Variants in ZNF829 observed in about 807,000 individuals in gnomAD.
ZNF829 encodes zinc finger protein 829.
Under a neutral mutation model 35.2 loss-of-function variants are expected in ZNF829, and 25 were observed. The ratio of observed to expected loss-of-function variants is 0.71; its 90% CI spans 0.52 to 0.99. ZNF829 has a LOEUF of 0.99. ZNF829 is among the 50% of genes least tolerant of loss of function. The probability of loss-of-function intolerance (pLI) is 0.00; values close to 1 mark genes in which losing one functional copy is unlikely to be tolerated. For missense variants in ZNF829, 417 were observed against 515.3 expected (o/e 0.81, Z 1.85); for synonymous variants, 136 against 163.2 (o/e 0.83, Z 1.27).
intron 3 of ZNF829, among the ~76,000 whole-genome samples, chr19:36,911,393 G>T (rs2073263328): frequency 6.6e-6 from 1 of 151,962 alleles, no homozygotes; most frequent in South Asian, 2.1e-4. Flanking sequence ...TGTATTTTTA[G>T]TAGAGATGTG....
intron 4 of ZNF829, 114 bp from the exon 5 acceptor site, chr19:36,908,138 T>C (rs1363325591): frequency 8.5e-6 from 10 of 1,181,038 alleles, no homozygotes; most frequent in Middle Eastern, 2.2e-4. Flanking sequence ...CGGAGAAAGA[T>C]GGAGAAGATG....
At chr19:36,898,962 T>G (rs1350848360) in intron 5 of ZNF829, among the ~76,000 whole-genome samples, 1 of 152,016 alleles carries the variant, frequency 6.6e-6, no homozygotes, top group Non-Finnish European at 1.5e-5. Flanking sequence ...AGATAAGACC[T>G]CAAAGATATT....
intron 5 of ZNF829, among the ~76,000 whole-genome samples, chr19:36,901,071 G>C (rs2073161770): frequency 6.6e-6 from 1 of 152,046 alleles, no homozygotes; most frequent in African/African-American, 2.4e-5. Context: ...AAAACTTATA[G>C]ACATGTTCAT....
chr19:36,902,060 A>T (rs1206452689), intron 5 of ZNF829: 2 of 553,254 alleles, frequency 3.6e-6, no homozygotes, highest in Non-Finnish European at 6.5e-6. Flanking sequence ...TACTTTGGTT[A>T]TCTATGTATC....
At chr19:36,911,566 C>T (rs10401212) in intron 3 of ZNF829, among the ~76,000 whole-genome samples, 27,671 of 151,938 alleles carry the variant, frequency 0.18, 3,351 homozygotes, top group African/African-American at 0.33. Context: ...TTCAGTTAAA[C>T]TATAGGACAC....
intron 5 of ZNF829, among the ~76,000 whole-genome samples, chr19:36,900,931 T>C (rs1202432574): frequency 6.6e-6 from 1 of 151,902 alleles, no homozygotes; most frequent in African/African-American, 2.4e-5. Flanking sequence ...GGTGGGCATG[T>C]AAAATGGTGC....
At chr19:36,894,884 CA>C (rs1482970841) in intron 5 of ZNF829, among the ~76,000 whole-genome samples, 2 of 152,042 alleles carry the variant, frequency 1.3e-5, no homozygotes, top group Non-Finnish European at 2.9e-5. Flanking sequence ...ACCTATTTAA[CA>C]AAATAACTGA....
At chr19:36,892,863 C>T (rs1003741397) in intron 5 of ZNF829, 4 of 1,150,324 alleles carry the variant, frequency 3.5e-6, no homozygotes, top group Non-Finnish European at 2.2e-6. Flanking sequence ...GTCTCCTCGT[C>T]GTACAGCTTG....
intron 5 of ZNF829, among the ~76,000 whole-genome samples, chr19:36,901,257 A>G (rs2146237651): frequency 6.6e-6 from 1 of 152,352 alleles, no homozygotes; most frequent in Middle Eastern, 3.4e-3. Context: ...GAAATAGGGA[A>G]TTTGCAGAAG....
At chr19:36,901,443 C>T (rs1203458587) in intron 5 of ZNF829, among the ~76,000 whole-genome samples, 2 of 152,108 alleles carry the variant, frequency 1.3e-5, no homozygotes, top group Admixed American at 6.5e-5. Context: ...GGTTATACAA[C>T]TCTATTACAT....
At chr19:36,900,172 AC>A (rs2073152274) in intron 5 of ZNF829, among the ~76,000 whole-genome samples, 1 of 150,188 alleles carries the variant, frequency 6.7e-6, no homozygotes, top group Non-Finnish European at 1.5e-5. Context: ...ACACACACAC[AC>A]ACACACACAC....
At chr19:36,894,965 C>T (rs1462217942) in intron 5 of ZNF829, among the ~76,000 whole-genome samples, 5 of 152,042 alleles carry the variant, frequency 3.3e-5, no homozygotes, top group Admixed American at 3.3e-4. Context: ...CAAATAGATT[C>T]AATCCAAAAA....
chr19:36,892,146 CTTACATTCA>C lies in ZNF829; in HGVS notation c.636_644del (p.Tyr212_Lys215delinsTer). ...TACAACTAAAAGCCTTGCCACATTCCTTACATTCATAGGGTTTTTTACCAGTGTGAATCC... is the reference window on the plus strand; with the variant it reads ...TACAACTAAAAGCCTTGCCACATTCCTAGGGTTTTTTACCAGTGTGAATCC... On this transcript the variant is annotated stop_gained and inframe_deletion, in exon 6 of 6. Coordinates refer to ENST00000391711, the MANE Select transcript of ZNF829 (RefSeq NM_001037232.4). LOFTEE classifies it high-confidence loss of function. The C allele has an allele frequency of 6.2e-7, 1 of 1,614,076 alleles. No individual in the cohort carries two copies. The highest frequency in any genetic ancestry group is 8.5e-7 in the Non-Finnish European group (1 of 1,179,994).
At chr19:36,904,471 C>T (rs1030883450) in intron 5 of ZNF829, among the ~76,000 whole-genome samples, 4 of 152,174 alleles carry the variant, frequency 2.6e-5, no homozygotes, top group African/African-American at 9.7e-5. Context: ...ATGATCTCAG[C>T]TCACTGCAAC....
chr19:36,892,527 C>T lies in ZNF829; in HGVS notation c.320-56G>A, dbSNP rs981851168. On this transcript the variant is annotated intron_variant, in intron 5 of 5. Coordinates refer to ENST00000391711, the MANE Select transcript of ZNF829 (RefSeq NM_001037232.4). ...TCCTATTCTGGGCAAGTTAAAACTT[C>T]TAAAAAAGAAATGGGAGAATTAAAC... is the stretch of plus-strand genomic sequence containing the variant. 3 of 1,477,686 alleles carry T rather than the reference C, an allele frequency of 2.0e-6. No homozygotes were observed. In the East Asian group the frequency reaches 6.8e-5, roughly 34 times the overall value. 91.5% of individuals were successfully genotyped at this position (1,477,686 alleles called of 1,614,324 possible). A position where few individuals can be genotyped will look rare whatever the true frequency, so the allele number is the denominator to read the frequency against.
At chr19:36,907,670 G>C in intron 5 of ZNF829, 1 of 281,656 alleles carries the variant, frequency 3.6e-6, no homozygotes, top group Non-Finnish European at 6.6e-6. Flanking sequence ...CTCAGGGTGG[G>C]AATGTCTACT....
chr19:36,908,469 C>T lies in ZNF829; in HGVS notation c.97-10G>A, dbSNP rs752347513. ...TGAACATCACCGGCCCCTGAAACAA[C>T]AAACATGCTTTCACAATGAAAGGAG... is the stretch of plus-strand genomic sequence containing the variant. On this transcript the variant is annotated splice_polypyrimidine_tract_variant and intron_variant, in intron 3 of 5. Coordinates refer to ENST00000391711, the MANE Select transcript of ZNF829 (RefSeq NM_001037232.4). The T allele has an allele frequency of 1.3e-6, 2 of 1,586,198 alleles. No homozygotes were observed. Among genetic ancestry groups the T allele is most frequent in the Non-Finnish European group, 1.7e-6 (2 of 1,169,178 alleles).
intron 5 of ZNF829, among the ~76,000 whole-genome samples, chr19:36,898,012 T>C (rs183890564): frequency 1.3e-5 from 2 of 152,174 alleles, no homozygotes; most frequent in Admixed American, 1.3e-4. Flanking sequence ...TGACTAAAAA[T>C]ACAAAAATTG....
At chr19:36,902,372 C>A (rs1407056606) in intron 5 of ZNF829, among the ~76,000 whole-genome samples, 3 of 152,152 alleles carry the variant, frequency 2.0e-5, no homozygotes, top group African/African-American at 7.2e-5. Flanking sequence ...CTGTGGCTCA[C>A]GCCTGTAATC....
Sources: gnomAD v4.1 joint callset for allele counts (sites outside exome capture counted in the v4.1 genomes callset) on GRCh38, gnomAD v4.1.1 for gene constraint, MANE v1.5 for transcripts, NCBI Gene and HGNC (gene_info 2026-07-23, HGNC 2026-07-21) for gene names.